Variants in HADHA observed in about 807,000 individuals in gnomAD.
HADHA encodes the protein trifunctional enzyme subunit alpha, mitochondrial.
In HADHA, 59 loss-of-function variants were observed where a neutral mutation model predicts 91.3. That is an observed-to-expected ratio of 0.65 (90% CI 0.52 to 0.80). The LOEUF (loss-of-function observed/expected upper bound fraction) is 0.80, where lower values mean the gene tolerates loss of function less well. Among genes scored for constraint, HADHA ranks in the 30% least tolerant of loss-of-function variants. HADHA has a pLI of 0.00. For missense variants in HADHA, 800 were observed against 927.6 expected (o/e 0.86, Z 1.79); for synonymous variants, 320 against 338.9 (o/e 0.94, Z 0.61).
In HADHA at chr2:26,244,573, G is replaced by T. The variant is rs942208244; in HGVS notation, c.24C>A (p.Gly8=). The change falls in exon 1 of 20, where the codon GGC becomes GGA. Residue 8 remains glycine (G), a synonymous_variant. Transcript: ENST00000380649. The part of the protein sequence containing the change: MVACRAI[G]ILSRFSAFRI... Reference sequence around the variant, plus strand: ...TGAAGGCAGAAAAGCGGCTGAGGATGCCAATCGCCCGGCAGGCCACCATCT... The same window carrying T: ...TGAAGGCAGAAAAGCGGCTGAGGATTCCAATCGCCCGGCAGGCCACCATCT... 1.9e-6 allele frequency: 3 copies of T among 1,587,728 alleles called. No individual in the cohort carries two copies. The African/African-American group carries it at 4.0e-5, about 21-fold the overall frequency.
Position 26,197,880 on chromosome 2 carries a change from C to T in HADHA, c.1393-103G>A, listed in dbSNP as rs2289020. 3.5e-4 allele frequency: 265 copies of T among 752,496 alleles called. 1 individual carries two copies. The East Asian group carries it at 6.5e-3, about 18-fold the overall frequency. 46.6% of individuals were successfully genotyped at this position (752,496 alleles called of 1,614,324 possible). A position where few individuals can be genotyped will look rare whatever the true frequency, so the allele number is the denominator to read the frequency against. ...ACACCTGGGCCCAGCCCACTCTGTC[C>T]CCCACAACTGCTCAGACAGTAGATG... is the stretch of plus-strand genomic sequence containing the variant. On this transcript the variant is annotated intron_variant, in intron 13 of 19. Coordinates refer to ENST00000380649, the MANE Select transcript of HADHA (RefSeq NM_000182.5).
chr2:26,227,384 C>A (rs577387667), intron 7 of HADHA, among the ~76,000 whole-genome samples: 1 of 151,856 alleles, frequency 6.6e-6, no homozygotes, highest in African/African-American at 2.4e-5. Flanking sequence ...TGGTGGTGGG[C>A]GCCTGTAGTC....
intron 3 of HADHA, among the ~76,000 whole-genome samples, 157 bp from the exon 4 acceptor site, chr2:26,237,145 T>C (rs1670783239): frequency 6.6e-6 from 1 of 152,196 alleles, no homozygotes; most frequent in African/African-American, 2.4e-5. Flanking sequence ...AGCAAGTCAG[T>C]AGCTTTCTAT....
rs3220491 is a variant in HADHA, at chr2:26,229,373, C to CACACA, written c.676+818_676+819insTGTGT. On this transcript the variant is annotated intron_variant, in intron 7 of 19. Transcript: ENST00000380649. The surrounding 1 kb of genome is among the most constrained non-coding windows in gnomAD (Gnocchi z 4.3). Reference sequence around the variant, plus strand: ...GCACACACACACACACACACACACACAAAATTAATACATTTACTATTATGT... The same window carrying CACACA: ...GCACACACACACACACACACACACACACACAAAAATTAATACATTTACTATTATGT... 6.6e-6 allele frequency among the ~76,000 whole-genome samples: 1 copy of CACACA among 151,306 alleles called. No homozygotes were observed. The highest frequency in any genetic ancestry group is 1.5e-5 in the Non-Finnish European group (1 of 67,812).
At chr2:26,230,061 G>T in intron 7 of HADHA, 131 bp downstream of exon 7, 1 of 675,470 alleles carries the variant, frequency 1.5e-6, no homozygotes, top group South Asian at 1.4e-5. Flanking sequence ...GACCTCAAGT[G>T]ATCTTCCCGC....
At chr2:26,242,853 G>A (rs969318438) in intron 1 of HADHA, among the ~76,000 whole-genome samples, 20 of 152,208 alleles carry the variant, frequency 1.3e-4, no homozygotes, top group Non-Finnish European at 4.4e-5. Flanking sequence ...CCGGGCTCAC[G>A]CCATTCTCCT....
rs1473211992 is a variant in HADHA at position 26,197,645 on chromosome 2, C to A, written c.1479+46G>T. 3 of 872,882 alleles carry A rather than the reference C, an allele frequency of 3.4e-6. No homozygotes were observed. In the East Asian group the frequency reaches 7.2e-5, roughly 21 times the overall value. The allele number at this position is 872,882 out of a possible 1,614,324, so 54.1% of individuals were successfully genotyped here. A position where few individuals can be genotyped will look rare whatever the true frequency, so the allele number is the denominator to read the frequency against. ...AAGCTGTAAGCCTTTATCAGTGAAT[C>A]TGAAGCAATAAAACATCTCAGGGTT... On this transcript the variant is annotated intron_variant, in intron 14 of 19. Coordinates refer to ENST00000380649, the MANE Select transcript of HADHA (RefSeq NM_000182.5).
At chr2:26,212,489 C>T (rs770786469) in intron 10 of HADHA, 81 bp downstream of exon 10, 5 of 989,008 alleles carry the variant, frequency 5.1e-6, no homozygotes, top group South Asian at 2.6e-5. Flanking sequence ...ATATTTTTTT[C>T]CTTTTTCAGC....
chr2:26,192,981 C>T (rs1390340600), intron 17 of HADHA, among the ~76,000 whole-genome samples: 6 of 152,080 alleles, frequency 3.9e-5, no homozygotes, highest in African/African-American at 1.4e-4. Flanking sequence ...TATGCAGCAC[C>T]GGGTCCTAGA....
chr2:26,242,016 C>G (rs1371063803), intron 1 of HADHA, among the ~76,000 whole-genome samples: 1 of 151,706 alleles, frequency 6.6e-6, no homozygotes, highest in Non-Finnish European at 1.5e-5. Context: ...ATTCTCCCAC[C>G]TCAGCCTCCC....
intron 1 of HADHA, among the ~76,000 whole-genome samples, chr2:26,242,584 T>G (rs1489635301): frequency 6.6e-6 from 1 of 152,202 alleles, no homozygotes; most frequent in Non-Finnish European, 1.5e-5. Flanking sequence ...TACTGAGTGC[T>G]TACTCCATGA....
At chr2:26,193,476 A>G in intron 17 of HADHA, 101 bp downstream of exon 17, 1 of 1,011,102 alleles carries the variant, frequency 9.9e-7, no homozygotes, top group Non-Finnish European at 1.6e-6. Context: ...CTGTGTTTAG[A>G]AAACTTTCTT....
In HADHA at chr2:26,191,638, G is replaced by A. The variant is rs1463681982; in HGVS notation, c.2001-10C>T. The A allele has an allele frequency of 6.2e-7, 1 of 1,613,862 alleles. No homozygotes were observed. Among genetic ancestry groups the A allele is most frequent in the East Asian group, 2.2e-5 (1 of 44,874 alleles). On this transcript the variant is annotated splice_polypyrimidine_tract_variant and intron_variant, in intron 18 of 19. Transcript: ENST00000380649. ...GTCTTCGTCTGATGAGCTGCCAACA[G>A]AAAGAGATGTTTAGGTAGAAGAAGA...
In HADHA at chr2:26,229,346, G is replaced by GCA. The variant is rs1334271211; in HGVS notation, c.676+845_676+846insTG. 8.7e-3 allele frequency among the ~76,000 whole-genome samples: 321 copies of GCA among 36,782 alleles called. 7 individuals carry two copies. The East Asian group carries it at 0.16, about 18-fold the overall frequency. 24.1% of individuals were successfully genotyped at this position (36,782 alleles called of 152,430 possible). Reference sequence around the variant, plus strand: ...GAGTGAGACCCCAACATGTGTGCGCGCGCACACACACACACACACACACAC... The same window carrying GCA: ...GAGTGAGACCCCAACATGTGTGCGCGCACGCACACACACACACACACACACAC... On this transcript the variant is annotated intron_variant, in intron 7 of 19. Coordinates refer to ENST00000380649, the MANE Select transcript of HADHA (RefSeq NM_000182.5). This position sits in a 1 kb window ranked among gnomAD's most constrained non-coding sequence, Gnocchi z 4.3.
rs1669915250 is a variant in HADHA, at chr2:26,203,994, C to G, written c.1220+68G>C. On this transcript the variant is annotated intron_variant, in intron 12 of 19. Transcript: ENST00000380649. ...ACAAACAAAAAAACCCACCAAGCCA[C>G]CACAAAAAACAACTAACCAAGAAAC... 5.3e-6 allele frequency: 8 copies of G among 1,508,804 alleles called. No homozygotes were observed. The Admixed American group carries it at 1.3e-4, about 25-fold the overall frequency. The allele number at this position is 1,508,804 out of a possible 1,614,324, so 93.5% of individuals were successfully genotyped here. A position where few individuals can be genotyped will look rare whatever the true frequency, so the allele number is the denominator to read the frequency against.
chr2:26,231,787 C>T lies in HADHA; in HGVS notation c.573+373G>A, dbSNP rs1023934491. Among the ~76,000 whole-genome samples the T allele has an allele frequency of 5.9e-5, 9 of 151,652 alleles. No individual in the cohort carries two copies. In the South Asian group the frequency reaches 1.5e-3, roughly 25 times the overall value. On this transcript the variant is annotated intron_variant, in intron 6 of 19. Transcript: ENST00000380649. ...TTCAAGACCAGCCTGGCCAACATGG[C>T]GAAACTCCATCTCTACTAAAAAATA...
At chr2:26,193,445 A>C in intron 17 of HADHA, 132 bp downstream of exon 17, 1 of 826,356 alleles carries the variant, frequency 1.2e-6, no homozygotes, top group Admixed American at 1.8e-5. Context: ...ATCATTTTTG[A>C]AATCGCCAGT....
At chr2:26,243,349 T>C (rs1670959281) in intron 1 of HADHA, 1 of 152,098 alleles carries the variant, frequency 6.6e-6, no homozygotes, top group Non-Finnish European at 1.5e-5. Context: ...TAAGGAAACA[T>C]AACCGAAGGC....
intron 15 of HADHA, 28 bp from the exon 16 acceptor site, chr2:26,194,666 TG>T: frequency 7.1e-7 from 1 of 1,416,048 alleles, no homozygotes; most frequent in Non-Finnish European, 1.0e-6. Flanking sequence ...ATGAGCTCCC[TG>T]GCCCTGCTGC....
Sources: gnomAD v4.1 joint callset for allele counts (sites outside exome capture counted in the v4.1 genomes callset) on GRCh38, gnomAD v4.1.1 for gene constraint, Gnocchi (gnomAD v3.1) non-coding constraint, MANE v1.5 for transcripts, NCBI Gene and HGNC (gene_info 2026-07-23, HGNC 2026-07-21) for gene names.